The following DIPK1A variants were observed in gnomAD, a reference collection of about 807,000 sequenced individuals.
The protein encoded by DIPK1A is family with sequence similarity 69 member A.
Under a neutral mutation model 40.8 loss-of-function variants are expected in DIPK1A, and 27 were observed. That is an observed-to-expected ratio of 0.66 (90% CI 0.49 to 0.91). The LOEUF is 0.91. DIPK1A is among the 40% of genes least tolerant of loss of function. The probability of loss-of-function intolerance (pLI) is 0.00; values close to 1 mark genes in which losing one functional copy is unlikely to be tolerated. For missense variants in DIPK1A, 412 were observed against 505.7 expected (o/e 0.81, Z 1.78); for synonymous variants, 166 against 171.3 (o/e 0.97, Z 0.24).
chr1:92,866,671 G>T (rs1027275369), intron 2 of DIPK1A, among the ~76,000 whole-genome samples: 4 of 152,130 alleles, frequency 2.6e-5, no homozygotes, highest in Non-Finnish European at 5.9e-5. Flanking sequence ...ATAATCAGTT[G>T]ACTTTAAGAG....
At chr1:92,926,725 T>TAA (rs1650528166) in intron 1 of DIPK1A, among the ~76,000 whole-genome samples, 2 of 152,232 alleles carry the variant, frequency 1.3e-5, no homozygotes, top group African/African-American at 2.4e-5. Flanking sequence ...GTCTTTCTGA[T>TAA]ATATTGAGTT....
intron 1 of DIPK1A, among the ~76,000 whole-genome samples, chr1:92,922,048 CT>C (rs1260316605): frequency 6.6e-6 from 1 of 151,694 alleles, no homozygotes; most frequent in Non-Finnish European, 1.5e-5. Flanking sequence ...TTAAATGTTC[CT>C]TTTTACATTG....
chr1:92,863,278 C>T (rs1255209971), intron 2 of DIPK1A, among the ~76,000 whole-genome samples: 1 of 152,150 alleles, frequency 6.6e-6, no homozygotes, highest in Non-Finnish European at 1.5e-5. Flanking sequence ...TTATTGCTGG[C>T]TTGTCTTTTC....
chr1:92,865,986 C>G (rs1647517497), intron 2 of DIPK1A, among the ~76,000 whole-genome samples: 1 of 152,136 alleles, frequency 6.6e-6, no homozygotes, highest in South Asian at 2.1e-4. Context: ...AATTTATAGT[C>G]AATTAAAAGC....
In DIPK1A at chr1:92,843,266, C is replaced by A; in HGVS notation, c.*117G>T. 1 of 1,450,180 alleles carries A rather than the reference C, an allele frequency of 6.9e-7. No individual in the cohort carries two copies. The highest frequency in any genetic ancestry group is 2.9e-5 in the Admixed American group (1 of 34,422). The allele number at this position is 1,450,180 out of a possible 1,614,324, so 89.8% of individuals were successfully genotyped here. On this transcript the variant is annotated 3_prime_UTR_variant, in exon 5 of 5. Coordinates refer to ENST00000370310, the MANE Select transcript of DIPK1A (RefSeq NM_001006605.5). ...GATCACATACTGATGGCTTCTCAGG[C>A]CTGGGGGGAAGGAGTTTTGTGTAAC...
intron 1 of DIPK1A, among the ~76,000 whole-genome samples, chr1:92,909,599 A>G (rs1399382937): frequency 1.3e-5 from 2 of 152,204 alleles, no homozygotes; most frequent in South Asian, 2.1e-4. Context: ...CACCAACTCA[A>G]TATGTATATC....
chr1:92,840,457 A>C, downstream of DIPK1A: 1 of 903,880 alleles, frequency 1.1e-6, no homozygotes. Context: ...CCTTTTGAGA[A>C]TCTGGCTTAG....
downstream of DIPK1A, chr1:92,837,720 A>G (rs766269156): frequency 8.1e-5 from 87 of 1,073,802 alleles, no homozygotes; most frequent in Non-Finnish European, 1.1e-4. Flanking sequence ...ACATTCTTAT[A>G]TAGGTGTGTT....
At position 92,915,083 on chromosome 1, in the gene DIPK1A, C is replaced by CA. The variant is rs10583235; in HGVS notation, c.55-38654dup. On this transcript the variant is annotated intron_variant, in intron 1 of 4. Coordinates refer to ENST00000370310, the MANE Select transcript of DIPK1A (RefSeq NM_001006605.5). ...AGCCTGGGTGACAGAGCAAGACTGT[C>CA]AAAAAAAAAAAAAAAAAAAAAAAGG... is the stretch of plus-strand genomic sequence containing the variant. Among the ~76,000 whole-genome samples the CA allele has an allele frequency of 6.8e-3, 538 of 79,692 alleles. 4 individuals are homozygous for CA. Among genetic ancestry groups the CA allele is most frequent in the African/African-American group, 0.019 (348 of 17,892 alleles). 52.3% of individuals were successfully genotyped at this position (79,692 alleles called of 152,430 possible).
chr1:92,919,441 G>A (rs1464233566), intron 1 of DIPK1A, among the ~76,000 whole-genome samples: 2 of 152,112 alleles, frequency 1.3e-5, no homozygotes, highest in African/African-American at 4.8e-5. Flanking sequence ...CTAGGCCTTT[G>A]CATATTCTCT....
intron 2 of DIPK1A, among the ~76,000 whole-genome samples, chr1:92,864,911 G>A (rs1339853246): frequency 1.3e-5 from 2 of 151,830 alleles, no homozygotes; most frequent in African/African-American, 2.4e-5. Flanking sequence ...GCATACTGGT[G>A]TGTGTCTGTA....
chr1:92,907,375 C>T (rs1369154839), intron 1 of DIPK1A, among the ~76,000 whole-genome samples: 1 of 151,950 alleles, frequency 6.6e-6, no homozygotes, highest in African/African-American at 2.4e-5. Flanking sequence ...GAGTGACTGA[C>T]TGGGAAGGGT....
At chr1:92,841,854 G>A (rs1332221185), downstream of DIPK1A, 5 of 1,610,656 alleles carry the variant, frequency 3.1e-6, no homozygotes, top group Non-Finnish European at 4.2e-6. Context: ...GGAGCGGGCT[G>A]CTGAGAGCTA....
rs768165305 is a variant in DIPK1A at position 92,834,943 on chromosome 1, G to A, written c.475-1909C>T. On this transcript the variant is annotated intron_variant, in intron 4 of 4. Transcript: ENST00000615519. ...GTACAAGATGATTTTAATTGATGTA[G>A]TTTGTGGCTGATTGCTTGGAGAGTT... The A allele has an allele frequency of 1.9e-6, 3 of 1,599,820 alleles. No homozygotes were observed. In the African/African-American group the frequency reaches 4.0e-5, roughly 21 times the overall value.
chr1:92,935,539 C>G (rs1021732267), intron 1 of DIPK1A, among the ~76,000 whole-genome samples: 28 of 152,138 alleles, frequency 1.8e-4, no homozygotes, highest in African/African-American at 6.3e-4. Context: ...ATCAAGGTCA[C>G]AAGACCAGGA....
intron 1 of DIPK1A, among the ~76,000 whole-genome samples, chr1:92,913,799 T>C (rs984021986): frequency 2.0e-5 from 3 of 152,182 alleles, no homozygotes; most frequent in Non-Finnish European, 4.4e-5. Context: ...TTCTTTCTCC[T>C]CCTGCCAGAG....
intron 1 of DIPK1A, among the ~76,000 whole-genome samples, chr1:92,943,325 A>G (rs1651239217): frequency 6.6e-6 from 1 of 152,218 alleles, no homozygotes; most frequent in Non-Finnish European, 1.5e-5. Context: ...GCAACCTAAA[A>G]GGAGCTGGAA....
intron 2 of DIPK1A, among the ~76,000 whole-genome samples, chr1:92,851,237 A>G (rs755605199): frequency 1.3e-5 from 2 of 152,102 alleles, no homozygotes; most frequent in East Asian, 1.9e-4. Flanking sequence ...GAGGCACTCT[A>G]TCTTTAAAAA....
chr1:92,950,119 G>A (rs1651566901), intron 1 of DIPK1A, among the ~76,000 whole-genome samples: 1 of 152,162 alleles, frequency 6.6e-6, no homozygotes, highest in Admixed American at 6.6e-5. Context: ...ATTAAGGAGG[G>A]ACTGCTGAAA....
Sources: allele counts gnomAD v4.1 joint callset (sites outside exome capture counted in the v4.1 genomes callset), GRCh38; gene constraint gnomAD v4.1.1; transcripts MANE v1.5; gene names NCBI Gene and HGNC (gene_info 2026-07-23, HGNC 2026-07-21).